The following TSHZ2 variants were observed in gnomAD, a reference collection of about 807,000 sequenced individuals.
The protein encoded by TSHZ2 is teashirt homolog 2.
Under a neutral mutation model 74.4 loss-of-function variants are expected in TSHZ2, and 21 were observed. The observed-to-expected ratio is 0.28, with a 90% confidence interval of 0.20 to 0.41. The LOEUF is 0.41. Ranked by LOEUF, TSHZ2 falls within the 10% of genes least tolerant of loss-of-function variation. The probability of loss-of-function intolerance (pLI) is 1.00; values close to 1 mark genes in which losing one functional copy is unlikely to be tolerated. For synonymous variants in TSHZ2, 540 were observed against 515.3 expected (o/e 1.05, Z -0.65); for missense variants, 1,244 against 1,293.5 (o/e 0.96, Z 0.59).
intron 2 of TSHZ2, among the ~76,000 whole-genome samples, chr20:53,318,278 C>A (rs980830552): frequency 5.9e-5 from 9 of 152,198 alleles, no homozygotes; most frequent in Admixed American, 6.5e-5. Context: ...ATGGGTTTTC[C>A]CAACCCCTTT....
intron 1 of TSHZ2, among the ~76,000 whole-genome samples, chr20:53,245,144 T>G (rs1399154097): frequency 6.6e-6 from 1 of 152,220 alleles, no homozygotes; most frequent in Non-Finnish European, 1.5e-5. Context: ...TCACATACTT[T>G]ATCACATGCT....
At chr20:53,408,699 A>G (rs1204615627) in intron 2 of TSHZ2, among the ~76,000 whole-genome samples, 1 of 152,178 alleles carries the variant, frequency 6.6e-6, no homozygotes, top group Non-Finnish European at 1.5e-5. Flanking sequence ...TTAAAGCCCA[A>G]CCTGTCATTA....
chr20:53,106,391 C>CTT (rs71194458), intron 1 of TSHZ2, among the ~76,000 whole-genome samples: 4,017 of 58,788 alleles, frequency 0.068, 1,095 homozygotes, highest in Middle Eastern at 0.13. Flanking sequence ...CTCACACTTT[C>CTT]TTTTTTTTTT....
Position 52,973,245 on chromosome 20 carries a change from C to T in TSHZ2, c.-49C>T. 6.4e-7 allele frequency: 1 copy of T among 1,551,082 alleles called. No individual in the cohort carries two copies. The highest frequency in any genetic ancestry group is 8.7e-7 in the Non-Finnish European group (1 of 1,146,636). ...GCCAGAGAGACAGCGGGCCCCAGCG[C>T]GCGGCTCGGGGCTGGGGCGCCAGAA... On this transcript the variant is annotated 5_prime_UTR_variant, in exon 1 of 3. Coordinates refer to ENST00000371497, the MANE Select transcript of TSHZ2 (RefSeq NM_173485.6).
chr20:53,133,642 A>ATTCAGTG (rs1987165334), intron 1 of TSHZ2, among the ~76,000 whole-genome samples: 2 of 152,216 alleles, frequency 1.3e-5, no homozygotes, highest in Admixed American at 6.5e-5. Flanking sequence ...TTCTATGTAT[A>ATTCAGTG]TTCAGTGTTC....
At chr20:53,149,465 G>C (rs146623895) in intron 1 of TSHZ2, among the ~76,000 whole-genome samples, 2 of 152,288 alleles carry the variant, frequency 1.3e-5, no homozygotes, top group South Asian at 2.1e-4. Context: ...GAGAGAAAGA[G>C]GGGGAGGAAA....
At chr20:53,050,101 G>GTTATATATATATATA in intron 1 of TSHZ2, among the ~76,000 whole-genome samples, 2 of 60,464 alleles carry the variant, frequency 3.3e-5, no homozygotes, top group Admixed American at 2.9e-4. Context: ...ATGTATATGT[G>GTTATATATATATATA]TGTATATATA....
At chr20:53,051,318 G>A (rs1984451683) in intron 1 of TSHZ2, among the ~76,000 whole-genome samples, 1 of 152,138 alleles carries the variant, frequency 6.6e-6, no homozygotes, top group African/African-American at 2.4e-5. Context: ...CAGCCTGGGT[G>A]ACGGGAGCAA....
chr20:53,065,863 A>G (rs751297936), intron 1 of TSHZ2, among the ~76,000 whole-genome samples: 4 of 152,194 alleles, frequency 2.6e-5, no homozygotes, highest in Non-Finnish European at 5.9e-5. Flanking sequence ...AATCTCTGTC[A>G]AGTTAGGGCA....
chr20:53,227,676 C>T (rs1175038886), intron 1 of TSHZ2, among the ~76,000 whole-genome samples: 1 of 152,098 alleles, frequency 6.6e-6, no homozygotes, highest in African/African-American at 2.4e-5. Context: ...ATTAGCTGCC[C>T]TACAGCATTG....
At chr20:53,447,889 T>A (rs1984614982) in intron 2 of TSHZ2, among the ~76,000 whole-genome samples, 1 of 151,308 alleles carries the variant, frequency 6.6e-6, no homozygotes, top group African/African-American at 2.4e-5. Flanking sequence ...ACCAAGACAG[T>A]GAGTATTGCC....
chr20:53,469,046 TA>T (rs199552131), intron 2 of TSHZ2, among the ~76,000 whole-genome samples: 19,347 of 42,244 alleles, frequency 0.46, 2,068 homozygotes, highest in African/African-American at 0.52. Flanking sequence ...ATCGATATTT[TA>T]TATATATATA....
At chr20:53,399,369 T>G (rs1982569157) in intron 2 of TSHZ2, 1 of 152,186 alleles carries the variant, frequency 6.6e-6, no homozygotes, top group Non-Finnish European at 1.5e-5. Context: ...AAGAAAGGGC[T>G]GACTTAAATT....
intron 2 of TSHZ2, among the ~76,000 whole-genome samples, chr20:53,463,295 G>A (rs1293034805): frequency 1.3e-5 from 2 of 151,702 alleles, no homozygotes. Flanking sequence ...GTAGAGACAG[G>A]AGAATCACAT....
chr20:53,194,015 C>T (rs953669117), intron 1 of TSHZ2, among the ~76,000 whole-genome samples: 4 of 152,148 alleles, frequency 2.6e-5, no homozygotes, highest in Non-Finnish European at 5.9e-5. Flanking sequence ...GTCTTTTGAC[C>T]ACCTCTGATG....
chr20:53,087,584 T>C (rs914120727), intron 1 of TSHZ2, among the ~76,000 whole-genome samples: 4 of 152,340 alleles, frequency 2.6e-5, no homozygotes, highest in Admixed American at 2.0e-4. Context: ...ATAATCATGC[T>C]TCTGATTTGT....
chr20:53,162,775 C>T (rs984432760), intron 1 of TSHZ2, among the ~76,000 whole-genome samples: 47 of 152,210 alleles, frequency 3.1e-4, no homozygotes, highest in African/African-American at 1.0e-3. Context: ...CACATTCTAA[C>T]TATTAACTGC....
At chr20:53,258,338 G>T (rs1600773319) in intron 2 of TSHZ2, among the ~76,000 whole-genome samples, 2 of 151,910 alleles carry the variant, frequency 1.3e-5, no homozygotes, top group African/African-American at 4.8e-5. Context: ...TAAATAACTT[G>T]CCATTATGTT....
chr20:53,208,028 A>G (rs922807217), intron 1 of TSHZ2, among the ~76,000 whole-genome samples: 1 of 151,358 alleles, frequency 6.6e-6, no homozygotes, highest in Non-Finnish European at 1.5e-5. Context: ...TGCTATTATT[A>G]CTCTTCACTG....
Sources: allele counts gnomAD v4.1 joint callset (sites outside exome capture counted in the v4.1 genomes callset), GRCh38; gene constraint gnomAD v4.1.1; transcripts MANE v1.5; gene names NCBI Gene and HGNC (gene_info 2026-07-23, HGNC 2026-07-21).